CNTN5: variants seen among roughly 807,000 people sequenced by gnomAD.
The protein encoded by CNTN5 is contactin 5.
CNTN5 carries 77 observed loss-of-function variants against 129.1 expected under a neutral mutation model. That is an observed-to-expected ratio of 0.60 (90% CI 0.50 to 0.72). CNTN5 has a LOEUF of 0.72. Among genes scored for constraint, CNTN5 ranks in the 30% least tolerant of loss-of-function variants. CNTN5 has a pLI of 0.00. For missense variants in CNTN5, 1,478 were observed against 1,328.8 expected, an observed-to-expected ratio of 1.11 and a Z score of -1.75; for synonymous variants, 509 against 465.6, an observed-to-expected ratio of 1.09 and a Z score of -1.20.
intron 13 of CNTN5, among the ~76,000 whole-genome samples, chr11:100,075,967 A>C (rs987393538): frequency 1.3e-5 from 2 of 152,060 alleles, no homozygotes; most frequent in Middle Eastern, 3.2e-3. Context: ...AACATCGTAC[A>C]ACTTGTTTTA....
chr11:99,133,675 A>T (rs1471190682), intron 1 of CNTN5, among the ~76,000 whole-genome samples: 1 of 151,576 alleles, frequency 6.6e-6, no homozygotes, highest in Non-Finnish European at 1.5e-5. Context: ...ATCACTGATC[A>T]TTAGAGAAAT....
At chr11:99,853,773 C>T (rs531491747) in intron 6 of CNTN5, among the ~76,000 whole-genome samples, 1 of 152,066 alleles carries the variant, frequency 6.6e-6, no homozygotes, top group Non-Finnish European at 1.5e-5. Flanking sequence ...CACCACCACC[C>T]CCTTTAATCC....
intron 3 of CNTN5, among the ~76,000 whole-genome samples, chr11:99,781,859 C>G (rs192498608): frequency 2.0e-5 from 3 of 152,132 alleles, no homozygotes; most frequent in African/African-American, 7.2e-5. Context: ...GACAAACGCA[C>G]AGCCAATATC....
At chr11:99,298,336 G>A (rs989236297) in intron 1 of CNTN5, among the ~76,000 whole-genome samples, 5 of 152,146 alleles carry the variant, frequency 3.3e-5, no homozygotes, top group Non-Finnish European at 7.4e-5. Context: ...ACAGGAATAG[G>A]AAGTGAGGTA....
At chr11:100,140,959 AT>A (rs1268225473) in intron 13 of CNTN5, among the ~76,000 whole-genome samples, 44 of 152,262 alleles carry the variant, frequency 2.9e-4, no homozygotes, top group Non-Finnish European at 1.5e-5. Context: ...TGCCATCCTT[AT>A]GGGCATGAGC....
intron 13 of CNTN5, among the ~76,000 whole-genome samples, chr11:100,169,884 C>G (rs1033379692): frequency 1.3e-5 from 2 of 151,928 alleles, no homozygotes; most frequent in Admixed American, 1.3e-4. Context: ...CTCTCTGTCC[C>G]TAGGCTAAAA....
intron 1 of CNTN5, among the ~76,000 whole-genome samples, chr11:99,089,906 T>A (rs1443041192): frequency 6.6e-6 from 1 of 152,208 alleles, no homozygotes; most frequent in African/African-American, 2.4e-5. Flanking sequence ...CTATGATAAT[T>A]ATTAAATATC....
intron 9 of CNTN5, among the ~76,000 whole-genome samples, chr11:100,005,773 A>T (rs1011448288): frequency 3.9e-5 from 6 of 152,186 alleles, no homozygotes; most frequent in African/African-American, 1.4e-4. Context: ...AGTGAAAAAT[A>T]TTTATATATC....
chr11:100,038,755 T>C (rs182924792), intron 9 of CNTN5, among the ~76,000 whole-genome samples: 15,367 of 151,988 alleles, frequency 0.1, 861 homozygotes, highest in Middle Eastern at 0.25. Context: ...TCTTTGTTGG[T>C]TTAAAGTCTG....
chr11:100,356,481 T>TAA lies in CNTN5; in HGVS notation c.*262_*263dup. 1 of 461,364 alleles carries TAA rather than the reference T, an allele frequency of 2.2e-6. No homozygotes were observed. Among genetic ancestry groups the TAA allele is most frequent in the Non-Finnish European group, 3.8e-6 (1 of 260,098 alleles). 28.6% of individuals were successfully genotyped at this position (461,364 alleles called of 1,614,324 possible). A position where few individuals can be genotyped will look rare whatever the true frequency, so the allele number is the denominator to read the frequency against. On this transcript the variant is annotated 3_prime_UTR_variant, in exon 25 of 25. Transcript: ENST00000524871. The stretch of plus-strand genomic sequence containing the variant: ...TGTAATGAATTTTTGTAAACAAAGG[T>TAA]AATTTCTGTCAAATGTATTCTTTAC...
chr11:99,529,779 C>G (rs1325288323), intron 2 of CNTN5, among the ~76,000 whole-genome samples: 2 of 151,242 alleles, frequency 1.3e-5, no homozygotes, highest in African/African-American at 4.9e-5. Context: ...AAAAAAAGAA[C>G]AAAGAACAAG....
intron 6 of CNTN5, among the ~76,000 whole-genome samples, chr11:99,847,120 A>G (rs955416714): frequency 1.3e-5 from 2 of 152,224 alleles, no homozygotes; most frequent in Non-Finnish European, 2.9e-5. Flanking sequence ...AGTTTGGTCT[A>G]CAGTATTTGA....
In CNTN5 at chr11:100,283,373, G is replaced by C. The variant is rs191493101; in HGVS notation, c.2314+12132G>C. Among the ~76,000 whole-genome samples, 9 of 152,220 alleles carry C rather than the reference G, an allele frequency of 5.9e-5. No individual in the cohort carries two copies. In the East Asian group the frequency reaches 1.7e-3, roughly 30 times the overall value. The stretch of plus-strand genomic sequence containing the variant: ...GGAGGAAGGTATCTCTTATGGATCT[G>C]CAAGCTGTGCAGCCTGGACTTAGGA... On this transcript the variant is annotated intron_variant, in intron 18 of 24. Coordinates refer to ENST00000524871, the MANE Select transcript of CNTN5 (RefSeq NM_014361.4).
chr11:99,918,841 T>C lies in CNTN5; in HGVS notation c.673+2692T>C, dbSNP rs571772335. On this transcript the variant is annotated intron_variant, in intron 7 of 24. Transcript: ENST00000524871. ...CTATTTTAATTTCAGTAAACAACTT[T>C]CCCAACAGTCCTTATTTACAGAGCC... 1.4e-4 allele frequency among the ~76,000 whole-genome samples: 22 copies of C among 152,280 alleles called. No individual in the cohort carries two copies. The East Asian group carries it at 4.3e-3, about 29-fold the overall frequency.
chr11:99,391,194 T>C (rs1941242299), intron 2 of CNTN5, among the ~76,000 whole-genome samples: 1 of 152,146 alleles, frequency 6.6e-6, no homozygotes, highest in South Asian at 2.1e-4. Flanking sequence ...ACAAGTTTAA[T>C]ATTGGTTTTT....
At chr11:99,587,949 G>A (rs183603594) in intron 3 of CNTN5, among the ~76,000 whole-genome samples, 1 of 152,120 alleles carries the variant, frequency 6.6e-6, no homozygotes, top group African/African-American at 2.4e-5. Flanking sequence ...AAGCAAAGAG[G>A]AACAGCATAA....
intron 1 of CNTN5, among the ~76,000 whole-genome samples, chr11:99,108,463 T>C (rs1302521111): frequency 1.3e-5 from 2 of 152,156 alleles, no homozygotes; most frequent in African/African-American, 2.4e-5. Flanking sequence ...TTTATTTCTG[T>C]AACATAAGAG....
At chr11:99,319,991 G>A (rs192510845) in intron 1 of CNTN5, among the ~76,000 whole-genome samples, 6 of 152,272 alleles carry the variant, frequency 3.9e-5, no homozygotes, top group Admixed American at 2.0e-4. Flanking sequence ...TGTAATCCCA[G>A]CATTATGGGA....
At chr11:99,052,035 C>T (rs1864446044) in intron 1 of CNTN5, among the ~76,000 whole-genome samples, 1 of 151,718 alleles carries the variant, frequency 6.6e-6, no homozygotes. Flanking sequence ...AACAAAGGCA[C>T]AGAATTTGGC....
Sources: gnomAD v4.1 joint callset for allele counts (sites outside exome capture counted in the v4.1 genomes callset) on GRCh38, gnomAD v4.1.1 for gene constraint, MANE v1.5 for transcripts, NCBI Gene and HGNC (gene_info 2026-07-23, HGNC 2026-07-21) for gene names.